TBCD: variants seen among roughly 807,000 people sequenced by gnomAD.
The protein encoded by TBCD is tubulin folding cofactor D, also known as tubulin-specific chaperone D.
A neutral mutation model predicts 169.3 loss-of-function variants in TBCD; 105 were observed. The ratio of observed to expected loss-of-function variants is 0.62; its 90% CI spans 0.53 to 0.73. TBCD has a LOEUF of 0.73. TBCD is among the 30% of genes least tolerant of loss of function. The pLI, the probability that TBCD is intolerant of heterozygous loss-of-function variation, is 0.00. For missense variants in TBCD, 1,444 were observed against 1,600.1 expected (o/e 0.90, Z 1.66); for synonymous variants, 700 against 643.9 (o/e 1.09, Z -1.32).
rs769847056 is a variant in TBCD at position 82,845,481 on chromosome 17, T to TCTGTC, written c.1319-24736_1319-24732dup. 2.2e-3 allele frequency among the ~76,000 whole-genome samples: 279 copies of TCTGTC among 128,092 alleles called. 1 individual carries two copies. The highest frequency in any genetic ancestry group is 3.8e-3 in the Non-Finnish European group (214 of 56,686). The allele number at this position is 128,092 out of a possible 152,430, so 84.0% of individuals were successfully genotyped here. ...GTCTGGCCCGGCCCCTTCCTCTCCGTCTGTCCTGTCCGGCCCGGCCCCTTC... is the reference window on the plus strand; with the variant it reads ...GTCTGGCCCGGCCCCTTCCTCTCCGTCTGTCCTGTCCTGTCCGGCCCGGCCCCTTC... On this transcript the variant is annotated intron_variant, in intron 13 of 38. Coordinates refer to ENST00000355528, the MANE Select transcript of TBCD (RefSeq NM_005993.5).
chr17:82,797,095 A>T (rs2050158960), intron 7 of TBCD, among the ~76,000 whole-genome samples: 1 of 152,244 alleles, frequency 6.6e-6, no homozygotes, highest in Non-Finnish European at 1.5e-5. Flanking sequence ...TTGGATATTT[A>T]TGTGAATCAT....
intron 13 of TBCD, among the ~76,000 whole-genome samples, chr17:82,824,092 T>C (rs532148547): frequency 6.6e-6 from 1 of 152,316 alleles, no homozygotes; most frequent in East Asian, 1.9e-4. Context: ...ATCTGTGTTG[T>C]AGCATGTATC....
At chr17:82,816,078 C>T (rs2051871141) in intron 13 of TBCD, among the ~76,000 whole-genome samples, 1 of 152,150 alleles carries the variant, frequency 6.6e-6, no homozygotes, top group Non-Finnish European at 1.5e-5. Flanking sequence ...CCCAGCACCC[C>T]CGCCCTGGCA....
At chr17:82,828,849 C>A (rs931376962) in intron 13 of TBCD, among the ~76,000 whole-genome samples, 1 of 149,066 alleles carries the variant, frequency 6.7e-6, no homozygotes, top group Non-Finnish European at 1.5e-5. Context: ...ATGTGTACAC[C>A]CCTCCCACAT....
At chr17:82,781,368 C>T (rs1323097809) in intron 6 of TBCD, among the ~76,000 whole-genome samples, 7 of 151,712 alleles carry the variant, frequency 4.6e-5, no homozygotes, top group South Asian at 2.1e-4. Flanking sequence ...GGTGGGGAAC[C>T]GGCTGCTGAG....
chr17:82,840,985 A>G (rs1220487456), intron 13 of TBCD, among the ~76,000 whole-genome samples: 6 of 64,614 alleles, frequency 9.3e-5, no homozygotes, highest in South Asian at 4.8e-4. Flanking sequence ...TTTTTTTTTG[A>G]GACAGAGTTT....
intron 8 of TBCD, among the ~76,000 whole-genome samples, chr17:82,799,441 C>CAAAAAAAAAAA (rs61017445): frequency 1.5e-4 from 11 of 72,608 alleles, no homozygotes; most frequent in African/African-American, 2.1e-4. Flanking sequence ...GACTCTGTCT[C>CAAAAAAAAAAA]AAAAAAAAAA....
Position 82,930,673 on chromosome 17 carries a change from C to A in TBCD, c.3113+30C>A. 6.2e-7 allele frequency: 1 copy of A among 1,613,574 alleles called. No individual in the cohort carries two copies. The highest frequency in any genetic ancestry group is 1.3e-5 in the African/African-American group (1 of 75,042). On this transcript the variant is annotated intron_variant, in intron 33 of 38. Coordinates refer to ENST00000355528, the MANE Select transcript of TBCD (RefSeq NM_005993.5). This position sits in a 1 kb window ranked among gnomAD's most constrained non-coding sequence, Gnocchi z 5.2. Reference sequence around the variant, plus strand: ...GTGGTGTCTCTTGGGGCCTCAGAGGCGTGAGTGGTGCTGGTGCCTCTCACC... The same window carrying A: ...GTGGTGTCTCTTGGGGCCTCAGAGGAGTGAGTGGTGCTGGTGCCTCTCACC...
At chr17:82,819,986 T>C (rs536391366) in intron 13 of TBCD, among the ~76,000 whole-genome samples, 57 of 152,044 alleles carry the variant, frequency 3.7e-4, no homozygotes, top group Admixed American at 1.2e-3. Context: ...TTTTTTTTTT[T>C]TTCTTTTTTT....
intron 13 of TBCD, among the ~76,000 whole-genome samples, chr17:82,851,105 G>A (rs1465829880): frequency 6.6e-6 from 1 of 152,116 alleles, no homozygotes; most frequent in African/African-American, 2.4e-5. Context: ...AACAAGTCTC[G>A]AGACATTTCA....
intron 23 of TBCD, among the ~76,000 whole-genome samples, chr17:82,917,019 CTTTTCTTTT>C (rs1370863168): frequency 3.7e-5 from 4 of 108,500 alleles, no homozygotes; most frequent in South Asian, 3.1e-4. Flanking sequence ...TTTTTCTTTT[CTTTTCTTTT>C]TTTTTTTTTT....
At chr17:82,913,593 G>A (rs1401697038) in intron 23 of TBCD, 2 of 152,298 alleles carry the variant, frequency 1.3e-5, no homozygotes, top group Non-Finnish European at 2.9e-5. Flanking sequence ...GTAGCTGGCG[G>A]CGATGGAGTT....
At position 82,832,466 on chromosome 17, in the gene TBCD, T is replaced by C. The variant is rs750371363; in HGVS notation, c.1318+17532T>C. 6.2e-7 allele frequency: 1 copy of C among 1,605,770 alleles called. No individual in the cohort carries two copies. The highest frequency in any genetic ancestry group is 1.1e-5 in the South Asian group (1 of 91,070). On this transcript the variant is annotated intron_variant, in intron 13 of 38. Transcript: ENST00000355528. This position sits in a 1 kb window ranked among gnomAD's most constrained non-coding sequence, Gnocchi z 4.9. ...TTGAGGAGACTCATTTTCCTCCTTA[T>C]GCCTTGGACTCTGGCTGTCCAGGTG...
At chr17:82,927,362 G>C in intron 29 of TBCD, 39 bp downstream of exon 29, 1 of 1,599,246 alleles carries the variant, frequency 6.3e-7, no homozygotes, top group South Asian at 1.1e-5. Flanking sequence ...CTTCTGAGAA[G>C]CCCATCTATT....
At chr17:82,893,196 G>C in intron 16 of TBCD, 1 of 279,002 alleles carries the variant, frequency 3.6e-6, no homozygotes, top group South Asian at 4.6e-5. Context: ...GGCCGATGGA[G>C]GTCAGTGGCT....
At chr17:82,937,797 C>T (rs894085629) in intron 35 of TBCD, 66 of 1,369,204 alleles carry the variant, frequency 4.8e-5, no homozygotes, top group Admixed American at 2.2e-4. Context: ...CATGGCAGGG[C>T]GAGCGGCCCT....
intron 13 of TBCD, among the ~76,000 whole-genome samples, chr17:82,821,676 G>T (rs1411637563): frequency 1.3e-5 from 2 of 152,150 alleles, no homozygotes; most frequent in Non-Finnish European, 2.9e-5. Context: ...CTTATAAAGT[G>T]TAATGGTCTG....
chr17:82,885,184 T>C (rs1264095221), intron 15 of TBCD, among the ~76,000 whole-genome samples: 5 of 151,926 alleles, frequency 3.3e-5, no homozygotes, highest in East Asian at 3.9e-4. Flanking sequence ...AGCCCTGCAG[T>C]GTGTGGCCCC....
intron 6 of TBCD, among the ~76,000 whole-genome samples, chr17:82,776,591 T>C (rs2048615660): frequency 6.6e-6 from 1 of 152,228 alleles, no homozygotes; most frequent in Admixed American, 6.5e-5. Flanking sequence ...TAACTGCTGA[T>C]GAATGGCTCC....
Sources: gnomAD v4.1 joint callset for allele counts (sites outside exome capture counted in the v4.1 genomes callset) on GRCh38, gnomAD v4.1.1 for gene constraint, Gnocchi (gnomAD v3.1) non-coding constraint, MANE v1.5 for transcripts, NCBI Gene and HGNC (gene_info 2026-07-23, HGNC 2026-07-21) for gene names.